The following DCC variants were observed in gnomAD, a reference collection of about 807,000 sequenced individuals.
The protein encoded by DCC is netrin receptor DCC.
DCC carries 58 observed loss-of-function variants against 172.5 expected under a neutral mutation model. The ratio of observed to expected loss-of-function variants is 0.34; its 90% CI spans 0.27 to 0.42. DCC has a LOEUF of 0.42. Ranked by LOEUF, DCC falls within the 10% of genes least tolerant of loss-of-function variation. The pLI is 1.00. For missense variants in DCC, 1,740 were observed against 1,791.0 expected, an observed-to-expected ratio of 0.97 and a Z score of 0.51; for synonymous variants, 709 against 644.5, an observed-to-expected ratio of 1.10 and a Z score of -1.52.
intron 7 of DCC, among the ~76,000 whole-genome samples, chr18:53,092,012 C>G (rs1273535783): frequency 1.4e-5 from 2 of 146,684 alleles, no homozygotes; most frequent in Non-Finnish European, 3.0e-5. Context: ...ATTAAGAACC[C>G]TGTGAACTAT....
chr18:53,408,697 C>CA (rs1909815180), intron 19 of DCC, among the ~76,000 whole-genome samples: 1 of 152,154 alleles, frequency 6.6e-6, no homozygotes, highest in South Asian at 2.1e-4. Context: ...TGTATTAAAT[C>CA]AACATATCCT....
chr18:53,198,575 T>G (rs2055485694), intron 9 of DCC, among the ~76,000 whole-genome samples: 1 of 152,110 alleles, frequency 6.6e-6, no homozygotes, highest in African/African-American at 2.4e-5. Context: ...GGGTTTAATA[T>G]CCAATAAGAT....
intron 12 of DCC, among the ~76,000 whole-genome samples, chr18:53,278,574 G>T (rs931844389): frequency 1.3e-5 from 2 of 152,050 alleles, no homozygotes; most frequent in African/African-American, 4.8e-5. Flanking sequence ...TCTCCTTCCT[G>T]CTGTTAATTT....
At chr18:52,744,180 A>C (rs2145119267) in intron 1 of DCC, among the ~76,000 whole-genome samples, 1 of 152,300 alleles carries the variant, frequency 6.6e-6, no homozygotes, top group East Asian at 1.9e-4. Flanking sequence ...ATTTAGTATA[A>C]GTATTTAGGA....
At chr18:53,438,103 G>A (rs1186661401) in intron 22 of DCC, among the ~76,000 whole-genome samples, 5 of 152,196 alleles carry the variant, frequency 3.3e-5, no homozygotes, top group Admixed American at 1.3e-4. Context: ...GTCCCCTTTA[G>A]AATCATCCAA....
In DCC at chr18:53,116,743, A is replaced by G. The variant is rs77629761; in HGVS notation, c.1262-40613A>G. On this transcript the variant is annotated intron_variant, in intron 7 of 28. Coordinates refer to ENST00000442544, the MANE Select transcript of DCC (RefSeq NM_005215.4). ...TCTACTTCATTCTTTGTAAAAATTAATCTTTCTAAAGTTTTCCTTCGATTT... is the reference window on the plus strand; with the variant it reads ...TCTACTTCATTCTTTGTAAAAATTAGTCTTTCTAAAGTTTTCCTTCGATTT... 2.6e-3 allele frequency among the ~76,000 whole-genome samples: 388 copies of G among 151,796 alleles called. 1 individual carries two copies. The highest frequency in any genetic ancestry group is 4.6e-3 in the South Asian group (22 of 4,820).
chr18:53,215,619 T>G (rs1162797097), intron 12 of DCC, 22 bp downstream of exon 12: 1 of 1,589,612 alleles, frequency 6.3e-7, no homozygotes. Context: ...AAATGTTCAC[T>G]ACTCCATTAC....
At chr18:53,210,876 G>A (rs953666234) in intron 11 of DCC, among the ~76,000 whole-genome samples, 3 of 151,694 alleles carry the variant, frequency 2.0e-5, no homozygotes, top group African/African-American at 7.3e-5. Flanking sequence ...ATTTAGCTCG[G>A]CTTTATTTTC....
chr18:52,610,395 A>AG (rs1410498505), intron 1 of DCC, among the ~76,000 whole-genome samples: 1 of 140,920 alleles, frequency 7.1e-6, no homozygotes, highest in Non-Finnish European at 1.5e-5. Flanking sequence ...AAAAAAAAAA[A>AG]AAAAAAAAAA....
At position 52,921,688 on chromosome 18, in the gene DCC, C is replaced by T. The variant is rs573842773; in HGVS notation, c.698-2019C>T. On this transcript the variant is annotated intron_variant, in intron 3 of 28. Transcript: ENST00000442544. Reference sequence around the variant, plus strand: ...CACTCCAGCCTGGGTGACAGAGAGGCTCCATCTCAAAAATAAAAATAATAA... The same window carrying T: ...CACTCCAGCCTGGGTGACAGAGAGGTTCCATCTCAAAAATAAAAATAATAA... Among the ~76,000 whole-genome samples, 370 of 137,476 alleles carry T rather than the reference C, an allele frequency of 2.7e-3. 1 individual carries two copies. The highest frequency in any genetic ancestry group is 9.2e-3 in the African/African-American group (351 of 38,196). 90.2% of individuals were successfully genotyped at this position (137,476 alleles called of 152,430 possible). A position where few individuals can be genotyped will look rare whatever the true frequency, so the allele number is the denominator to read the frequency against.
At chr18:53,232,627 C>T (rs1308604363) in intron 12 of DCC, among the ~76,000 whole-genome samples, 1 of 152,124 alleles carries the variant, frequency 6.6e-6, no homozygotes. Context: ...TGCACTTATT[C>T]AACATCAATA....
intron 21 of DCC, among the ~76,000 whole-genome samples, chr18:53,432,248 C>T (rs938822828): frequency 6.6e-6 from 1 of 152,100 alleles, no homozygotes. Flanking sequence ...GAACCATCTG[C>T]AGTTGGTTAA....
At chr18:52,495,185 T>C (rs956860946) in intron 1 of DCC, among the ~76,000 whole-genome samples, 4 of 152,128 alleles carry the variant, frequency 2.6e-5, no homozygotes, top group African/African-American at 9.7e-5. Context: ...TCTCAGAGGC[T>C]TTGTAATTAG....
intron 15 of DCC, among the ~76,000 whole-genome samples, chr18:53,356,433 AT>A (rs1325893124): frequency 6.6e-6 from 1 of 151,740 alleles, no homozygotes; most frequent in African/African-American, 2.4e-5. Flanking sequence ...ATATTCTTGC[AT>A]TTTGTTCTAA....
In DCC at chr18:53,361,994, G is replaced by T. The variant is rs146372349; in HGVS notation, c.2359+22087G>T. On this transcript the variant is annotated intron_variant, in intron 15 of 28. Transcript: ENST00000442544. The stretch of plus-strand genomic sequence containing the variant: ...AAACAGTACTTATGGAAAGCTTGAA[G>T]AAATGGGGCAGAAAGGTGATTATTT... Among the ~76,000 whole-genome samples the T allele has an allele frequency of 6.6e-5, 10 of 152,254 alleles. No individual in the cohort carries two copies. In the East Asian group the frequency reaches 1.9e-3, roughly 29 times the overall value.
intron 1 of DCC, among the ~76,000 whole-genome samples, chr18:52,364,783 C>A (rs1598864209): frequency 2.0e-5 from 3 of 152,162 alleles, no homozygotes; most frequent in Non-Finnish European, 4.4e-5. Flanking sequence ...GAAGGGCAGG[C>A]TTAGAGGCAG....
chr18:52,340,618 A>C lies in DCC; in HGVS notation c.-170A>C, dbSNP rs1012548453. 2 of 724,070 alleles carry C rather than the reference A, an allele frequency of 2.8e-6. No homozygotes were observed. Among genetic ancestry groups the C allele is most frequent in the African/African-American group, 3.5e-5 (2 of 57,892 alleles). The allele number at this position is 724,070 out of a possible 1,614,324, so 44.9% of individuals were successfully genotyped here. ...GGACAAGGAAAAAGGCTTCGAAGGC[A>C]GCAGAGGCGCAGGGGAGGTGGAGAA... On this transcript the variant is annotated 5_prime_UTR_variant, in exon 1 of 29. Transcript: ENST00000442544.
chr18:52,920,422 A>C (rs2040104918), intron 3 of DCC, among the ~76,000 whole-genome samples: 1 of 152,132 alleles, frequency 6.6e-6, no homozygotes, highest in African/African-American at 2.4e-5. Flanking sequence ...ATATATAAAA[A>C]TGGAGAGTAA....
chr18:53,523,129 A>AG lies in DCC; in HGVS notation c.4112-3487dup, dbSNP rs545736693. Among the ~76,000 whole-genome samples the AG allele has an allele frequency of 3.9e-4, 60 of 152,346 alleles. No individual in the cohort carries two copies. The East Asian group carries it at 0.011, about 27-fold the overall frequency. The stretch of plus-strand genomic sequence containing the variant: ...AAGATATGAACAGGCACTTCTCAAG[A>AG]GAAGACATTTATGCAGCCAACAAAC... On this transcript the variant is annotated intron_variant, in intron 27 of 28. Transcript: ENST00000442544.
Sources: allele counts gnomAD v4.1 joint callset (sites outside exome capture counted in the v4.1 genomes callset), GRCh38; gene constraint gnomAD v4.1.1; transcripts MANE v1.5; gene names NCBI Gene and HGNC (gene_info 2026-07-23, HGNC 2026-07-21).